Variants in TBC1D5 observed in about 807,000 individuals in gnomAD.
TBC1D5 encodes TBC1 domain family, member 5.
A neutral mutation model predicts 100.3 loss-of-function variants in TBC1D5; 75 were observed. That is an observed-to-expected ratio of 0.75 (90% CI 0.62 to 0.91). The LOEUF (loss-of-function observed/expected upper bound fraction) is 0.91. Among genes scored for constraint, TBC1D5 ranks in the 40% least tolerant of loss-of-function variants. The probability of loss-of-function intolerance (pLI) is 0.00; values close to 1 mark genes in which losing one functional copy is unlikely to be tolerated. For missense variants in TBC1D5, 910 were observed against 942.4 expected (o/e 0.97, Z 0.45); for synonymous variants, 323 against 325.6 (o/e 0.99, Z 0.09).
intron 1 of TBC1D5, among the ~76,000 whole-genome samples, chr3:17,721,938 C>T (rs1229211494): frequency 6.8e-6 from 1 of 147,960 alleles, no homozygotes; most frequent in Non-Finnish European, 1.5e-5. Flanking sequence ...GCCGAGATCA[C>T]GCCATTGCAC....
At chr3:17,296,697 G>T (rs570091041) in intron 14 of TBC1D5, among the ~76,000 whole-genome samples, 3 of 152,186 alleles carry the variant, frequency 2.0e-5, no homozygotes, top group Non-Finnish European at 4.4e-5. Flanking sequence ...TTCTTCCTCA[G>T]TTGGCTTTGT....
intron 1 of TBC1D5, among the ~76,000 whole-genome samples, chr3:17,648,205 C>G (rs2065187020): frequency 6.6e-6 from 1 of 152,118 alleles, no homozygotes; most frequent in African/African-American, 2.4e-5. Context: ...ATCTTCAAAA[C>G]AGCAGATAAA....
At chr3:17,206,041 G>T (rs539505967) in intron 18 of TBC1D5, among the ~76,000 whole-genome samples, 219 of 152,258 alleles carry the variant, frequency 1.4e-3, no homozygotes, top group Non-Finnish European at 1.8e-3. Flanking sequence ...TGTGTCAGGG[G>T]ATGTGAGGGA....
chr3:17,313,130 T>C (rs2084243229), intron 13 of TBC1D5, among the ~76,000 whole-genome samples: 1 of 152,154 alleles, frequency 6.6e-6, no homozygotes, highest in South Asian at 2.1e-4. Context: ...GAGAATCCTC[T>C]TGTCCATTCC....
intron 1 of TBC1D5, among the ~76,000 whole-genome samples, chr3:17,732,484 C>G (rs2076644495): frequency 1.3e-5 from 2 of 152,022 alleles, no homozygotes; most frequent in African/African-American, 4.8e-5. Flanking sequence ...TTTGGGAGGC[C>G]AAGGCGGATG....
At chr3:17,724,421 A>C (rs553366031) in intron 1 of TBC1D5, among the ~76,000 whole-genome samples, 1 of 152,238 alleles carries the variant, frequency 6.6e-6, no homozygotes, top group African/African-American at 2.4e-5. Context: ...TTTCCAGCAC[A>C]TTGAGATATC....
chr3:17,411,292 A>G (rs149435929), intron 4 of TBC1D5, among the ~76,000 whole-genome samples: 1 of 152,084 alleles, frequency 6.6e-6, no homozygotes, highest in Non-Finnish European at 1.5e-5. Context: ...ATGACAGTAT[A>G]GTGTAATCAT....
At chr3:17,187,563 A>T (rs1000998801) in intron 18 of TBC1D5, among the ~76,000 whole-genome samples, 1 of 152,246 alleles carries the variant, frequency 6.6e-6, no homozygotes, top group Non-Finnish European at 1.5e-5. Flanking sequence ...TGATCCACAG[A>T]TCTATGATGG....
intron 3 of TBC1D5, among the ~76,000 whole-genome samples, chr3:17,456,197 C>A (rs2095080803): frequency 6.7e-6 from 1 of 150,286 alleles, no homozygotes; most frequent in African/African-American, 2.5e-5. Context: ...ATTAAACTAC[C>A]ACAAAAAAAA....
At chr3:17,642,819 A>G (rs2064651912) in intron 1 of TBC1D5, among the ~76,000 whole-genome samples, 1 of 152,172 alleles carries the variant, frequency 6.6e-6, no homozygotes, top group South Asian at 2.1e-4. Flanking sequence ...GTACTACATC[A>G]AATTTCCAAA....
chr3:17,638,549 A>G (rs544960266), intron 1 of TBC1D5, among the ~76,000 whole-genome samples: 64 of 152,298 alleles, frequency 4.2e-4, no homozygotes, highest in African/African-American at 1.4e-3. Context: ...TGACTAATTC[A>G]GACTGTCTCA....
intron 17 of TBC1D5, among the ~76,000 whole-genome samples, chr3:17,220,458 C>T (rs2074146023): frequency 6.6e-6 from 1 of 152,084 alleles, no homozygotes; most frequent in Non-Finnish European, 1.5e-5. Context: ...CCTTTGTGAA[C>T]TCTCTGCTCA....
chr3:17,291,676 T>C (rs536857930), intron 15 of TBC1D5, among the ~76,000 whole-genome samples: 1 of 152,184 alleles, frequency 6.6e-6, no homozygotes, highest in African/African-American at 2.4e-5. Flanking sequence ...AAAAGAGACA[T>C]GTGTTCCAGT....
At chr3:17,331,309 C>T (rs1383623731) in intron 13 of TBC1D5, among the ~76,000 whole-genome samples, 1 of 152,146 alleles carries the variant, frequency 6.6e-6, no homozygotes, top group East Asian at 1.9e-4. Context: ...CATTTTCTCT[C>T]CAATAATCAA....
chr3:17,728,553 C>G (rs1478684923), intron 1 of TBC1D5, among the ~76,000 whole-genome samples: 1 of 151,924 alleles, frequency 6.6e-6, no homozygotes, highest in Non-Finnish European at 1.5e-5. Context: ...TGGAATAAAT[C>G]CAAGATTTCA....
At chr3:17,541,733 T>G (rs1301153454) in intron 2 of TBC1D5, among the ~76,000 whole-genome samples, 1 of 152,188 alleles carries the variant, frequency 6.6e-6, no homozygotes, top group South Asian at 2.1e-4. Flanking sequence ...TGAACAGAAA[T>G]AGCAAAAACT....
intron 1 of TBC1D5, among the ~76,000 whole-genome samples, chr3:17,629,282 T>A (rs1048684742): frequency 6.6e-6 from 1 of 152,172 alleles, no homozygotes; most frequent in Admixed American, 6.5e-5. Context: ...TAGATACACA[T>A]AAAATACATA....
intron 1 of TBC1D5, among the ~76,000 whole-genome samples, chr3:17,635,162 A>T (rs1038071664): frequency 2.6e-5 from 4 of 152,198 alleles, no homozygotes; most frequent in Admixed American, 1.3e-4. Flanking sequence ...CTATCAACAG[A>T]GATGGGGAAG....
chr3:17,575,112 C>G (rs1345554152), intron 2 of TBC1D5: 1 of 152,104 alleles, frequency 6.6e-6, no homozygotes, highest in Non-Finnish European at 1.5e-5. Context: ...ACTGCTTGAG[C>G]CCAGGAGATC....
Sources: allele counts gnomAD v4.1 joint callset (sites outside exome capture counted in the v4.1 genomes callset), GRCh38; gene constraint gnomAD v4.1.1; transcripts MANE v1.5; gene names NCBI Gene and HGNC (gene_info 2026-07-23, HGNC 2026-07-21).